The following SLC39A11 variants were observed in gnomAD, a reference collection of about 807,000 sequenced individuals.
SLC39A11 encodes zinc transporter ZIP11.
A neutral mutation model predicts 36.1 loss-of-function variants in SLC39A11; 33 were observed. The ratio of observed to expected loss-of-function variants is 0.91; its 90% CI spans 0.69 to 1.22. SLC39A11 has a LOEUF of 1.22. Among genes scored for constraint, SLC39A11 ranks in the 50% most tolerant of loss-of-function variants. The pLI is 0.00. For synonymous variants in SLC39A11, 166 were observed against 170.3 expected, an observed-to-expected ratio of 0.97 and a Z score of 0.20; for missense variants, 432 against 430.3, an observed-to-expected ratio of 1.00 and a Z score of -0.03.
At chr17:72,749,271 T>C (rs1464875684) in intron 6 of SLC39A11, among the ~76,000 whole-genome samples, 3 of 152,124 alleles carry the variant, frequency 2.0e-5, no homozygotes, top group Non-Finnish European at 4.4e-5. Context: ...GAAGCCGTGG[T>C]GTAGAAAAGC....
At chr17:72,896,158 A>G (rs1283391014) in intron 5 of SLC39A11, among the ~76,000 whole-genome samples, 1 of 151,324 alleles carries the variant, frequency 6.6e-6, no homozygotes, top group East Asian at 1.9e-4. Context: ...TCTAAAACCA[A>G]AAAGAGAACA....
chr17:73,073,194 AT>A (rs1299448100), intron 3 of SLC39A11, among the ~76,000 whole-genome samples: 1 of 152,150 alleles, frequency 6.6e-6, no homozygotes, highest in Non-Finnish European at 1.5e-5. Flanking sequence ...ATAAAATAAA[AT>A]AAAATGCCAA....
At chr17:72,993,324 C>T (rs984261603) in intron 4 of SLC39A11, among the ~76,000 whole-genome samples, 2 of 152,198 alleles carry the variant, frequency 1.3e-5, no homozygotes, top group Non-Finnish European at 2.9e-5. Context: ...GTAAATTATA[C>T]CTCAATACAG....
chr17:72,707,445 GT>G (rs35618703), intron 7 of SLC39A11, among the ~76,000 whole-genome samples: 29,738 of 152,038 alleles, frequency 0.2, 3,638 homozygotes, highest in Admixed American at 0.33. Flanking sequence ...AAGAAAATAA[GT>G]TTTGCTATAT....
At chr17:72,979,298 C>G (rs895865293) in intron 4 of SLC39A11, among the ~76,000 whole-genome samples, 1 of 152,176 alleles carries the variant, frequency 6.6e-6, no homozygotes, top group Non-Finnish European at 1.5e-5. Context: ...GTCAATTAAA[C>G]CTCCTTCCTT....
intron 6 of SLC39A11, among the ~76,000 whole-genome samples, chr17:72,757,806 T>C (rs1307370657): frequency 3.3e-5 from 5 of 152,208 alleles, no homozygotes; most frequent in Admixed American, 6.5e-5. Flanking sequence ...ATTGTGTGTT[T>C]GCTGAGTGTA....
intron 3 of SLC39A11, among the ~76,000 whole-genome samples, chr17:73,035,273 T>TG (rs1269136746): frequency 2.0e-5 from 3 of 152,168 alleles, no homozygotes; most frequent in Non-Finnish European, 2.9e-5. Context: ...CCCAAGGAGC[T>TG]GGGATTACAG....
At chr17:72,715,131 C>T (rs112186481) in intron 7 of SLC39A11, among the ~76,000 whole-genome samples, 1 of 152,308 alleles carries the variant, frequency 6.6e-6, no homozygotes, top group Admixed American at 6.5e-5. Flanking sequence ...ATCTCATGCA[C>T]CCAGCCACGA....
chr17:72,745,931 G>A (rs546083323), intron 6 of SLC39A11, among the ~76,000 whole-genome samples: 18 of 152,302 alleles, frequency 1.2e-4, no homozygotes, highest in African/African-American at 3.6e-4. Flanking sequence ...GAGAAATGAC[G>A]AGTTATGGGA....
chr17:72,966,721 C>T (rs2147993138), intron 4 of SLC39A11, among the ~76,000 whole-genome samples: 1 of 152,306 alleles, frequency 6.6e-6, no homozygotes, highest in African/African-American at 2.4e-5. Context: ...AGGCGCCCGC[C>T]ACCACGCCCA....
intron 4 of SLC39A11, among the ~76,000 whole-genome samples, chr17:73,019,161 C>T (rs1048405030): frequency 5.9e-5 from 9 of 151,956 alleles, no homozygotes; most frequent in African/African-American, 1.9e-4. Context: ...CACTAGCAGG[C>T]CTAAGCTATA....
intron 5 of SLC39A11, among the ~76,000 whole-genome samples, chr17:72,945,667 C>T (rs1462018550): frequency 1.3e-5 from 2 of 152,116 alleles, no homozygotes; most frequent in South Asian, 2.1e-4. Context: ...CTTGGTAACC[C>T]GGTAACAGGC....
At chr17:72,761,536 C>G (rs1318218990) in intron 6 of SLC39A11, among the ~76,000 whole-genome samples, 1 of 152,064 alleles carries the variant, frequency 6.6e-6, no homozygotes, top group Non-Finnish European at 1.5e-5. Flanking sequence ...ATTTTTTAGC[C>G]ATTTTATTTC....
intron 3 of SLC39A11, among the ~76,000 whole-genome samples, chr17:73,067,096 A>G (rs2060017488): frequency 6.6e-6 from 1 of 152,242 alleles, no homozygotes; most frequent in Non-Finnish European, 1.5e-5. Context: ...AATGAAGACT[A>G]AAAGTTCTCT....
intron 4 of SLC39A11, among the ~76,000 whole-genome samples, chr17:72,953,702 C>T (rs1372182107): frequency 6.6e-6 from 1 of 152,242 alleles, no homozygotes; most frequent in Non-Finnish European, 1.5e-5. Context: ...GACCCTGCAG[C>T]CCTCAAACCT....
At chr17:72,714,287 C>T (rs186959119) in intron 7 of SLC39A11, among the ~76,000 whole-genome samples, 41 of 152,034 alleles carry the variant, frequency 2.7e-4, no homozygotes, top group Admixed American at 1.6e-3. Flanking sequence ...ACCTGGGAGG[C>T]GGAGGTTGCA....
intron 4 of SLC39A11, among the ~76,000 whole-genome samples, chr17:72,967,412 G>A (rs934987100): frequency 2.0e-5 from 3 of 151,968 alleles, no homozygotes; most frequent in African/African-American, 4.8e-5. Context: ...GTGTGTGTGT[G>A]TGTGTTTTCC....
chr17:72,672,942 A>G (rs2071085257), intron 7 of SLC39A11, among the ~76,000 whole-genome samples: 2 of 151,160 alleles, frequency 1.3e-5, no homozygotes, highest in African/African-American at 4.9e-5. Flanking sequence ...ACACACTCAT[A>G]CCTATTTGTT....
At position 72,836,696 on chromosome 17, in the gene SLC39A11, C is replaced by G. The variant is rs149712124; in HGVS notation, c.601+12938G>C. 7.5e-4 allele frequency among the ~76,000 whole-genome samples: 114 copies of G among 152,160 alleles called. 2 individuals carry two copies. In the South Asian group the frequency reaches 0.022, roughly 30 times the overall value. ...CAGTTTCTAAAATGTAAAACAGGGA[C>G]GCAAATATCTAAATCATGTATGTGG... On this transcript the variant is annotated intron_variant, in intron 6 of 9. Transcript: ENST00000255559.
Sources: gnomAD v4.1 joint callset for allele counts (sites outside exome capture counted in the v4.1 genomes callset) on GRCh38, gnomAD v4.1.1 for gene constraint, MANE v1.5 for transcripts, NCBI Gene and HGNC (gene_info 2026-07-23, HGNC 2026-07-21) for gene names.